Variants in SLCO3A1 observed in about 807,000 individuals in gnomAD.
SLCO3A1 encodes the protein solute carrier organic anion transporter family member 3A1, also known as PGE1 transporter.
Under a neutral mutation model 63.1 loss-of-function variants are expected in SLCO3A1, and 27 were observed. The observed-to-expected ratio is 0.43, with a 90% CI of 0.32 to 0.59. The LOEUF (loss-of-function observed/expected upper bound fraction) is 0.59. Among genes scored for constraint, SLCO3A1 ranks in the 20% least tolerant of loss-of-function variants. The probability of loss-of-function intolerance (pLI) is 0.09; values close to 1 mark genes in which losing one functional copy is unlikely to be tolerated. For synonymous variants in SLCO3A1, 473 were observed against 409.9 expected (o/e 1.15, Z -1.86); for missense variants, 773 against 945.8 (o/e 0.82, Z 2.40).
intron 2 of SLCO3A1, among the ~76,000 whole-genome samples, chr15:92,072,974 A>AG (rs1022434120): frequency 1.3e-5 from 2 of 152,122 alleles, no homozygotes; most frequent in African/African-American, 4.8e-5. Context: ...GAAGAGAGAA[A>AG]GGGGAGAGCT....
chr15:92,119,111 G>T (rs1178125637), intron 4 of SLCO3A1, among the ~76,000 whole-genome samples: 1 of 152,112 alleles, frequency 6.6e-6, no homozygotes, highest in Non-Finnish European at 1.5e-5. Context: ...GGGTTGTCCT[G>T]GTGCCCCAGA....
At chr15:92,057,732 G>T (rs930922230) in intron 2 of SLCO3A1, among the ~76,000 whole-genome samples, 3 of 152,182 alleles carry the variant, frequency 2.0e-5, no homozygotes, top group African/African-American at 7.2e-5. Flanking sequence ...AAGAATCACT[G>T]ATAATCAGAG....
intron 2 of SLCO3A1, among the ~76,000 whole-genome samples, chr15:92,065,749 A>G (rs1304603069): frequency 6.6e-6 from 1 of 152,206 alleles, no homozygotes; most frequent in Non-Finnish European, 1.5e-5. Context: ...TTTATATACC[A>G]TAAAATTCAC....
intron 2 of SLCO3A1, among the ~76,000 whole-genome samples, chr15:91,943,756 C>G (rs1420278854): frequency 6.6e-6 from 1 of 152,212 alleles, no homozygotes; most frequent in Non-Finnish European, 1.5e-5. Flanking sequence ...CCCCAGAGGA[C>G]ACAGAATGGC....
chr15:92,163,943 G>A lies in SLCO3A1; in HGVS notation c.*808G>A, dbSNP rs978743135. The A allele has an allele frequency of 4.4e-5, 43 of 985,454 alleles. No individual in the cohort carries two copies. The highest frequency in any genetic ancestry group is 1.9e-4 in the African/African-American group (11 of 57,346). 61.0% of individuals were successfully genotyped at this position (985,454 alleles called of 1,614,324 possible). ...GTGACCTCAGGAAGCAGTAGGCCTC[G>A]CCTGGCTATGACTGACCCGGCTCAG... On this transcript the variant is annotated 3_prime_UTR_variant, in exon 10 of 10. Transcript: ENST00000318445.
chr15:92,130,961 G>A (rs963970852), intron 7 of SLCO3A1, among the ~76,000 whole-genome samples: 7 of 149,596 alleles, frequency 4.7e-5, no homozygotes, highest in African/African-American at 1.7e-4. Context: ...GTGATCCCCT[G>A]GAATTCTCCA....
At chr15:92,108,689 C>G (rs2047694038) in intron 4 of SLCO3A1, among the ~76,000 whole-genome samples, 2 of 152,222 alleles carry the variant, frequency 1.3e-5, no homozygotes, top group South Asian at 4.1e-4. Context: ...GCATGTCCAT[C>G]TGCCTTCTCC....
At chr15:92,118,764 C>G (rs2047826175) in intron 4 of SLCO3A1, among the ~76,000 whole-genome samples, 1 of 152,180 alleles carries the variant, frequency 6.6e-6, no homozygotes, top group Admixed American at 6.5e-5. Flanking sequence ...CCTCCTTCCT[C>G]TGGGACTCTG....
chr15:92,066,804 C>G (rs2047157818), intron 2 of SLCO3A1, among the ~76,000 whole-genome samples: 1 of 152,216 alleles, frequency 6.6e-6, no homozygotes, highest in Non-Finnish European at 1.5e-5. Context: ...GCTGCCCTCT[C>G]TATGGCTGGC....
chr15:92,099,876 A>G (rs2047583700), intron 3 of SLCO3A1, among the ~76,000 whole-genome samples: 2 of 152,112 alleles, frequency 1.3e-5, no homozygotes, highest in South Asian at 4.1e-4. Flanking sequence ...AGACCAGCCA[A>G]TATGGTGAAA....
intron 2 of SLCO3A1, among the ~76,000 whole-genome samples, chr15:92,017,766 A>G (rs955938267): frequency 6.6e-6 from 1 of 152,134 alleles, no homozygotes; most frequent in Non-Finnish European, 1.5e-5. Flanking sequence ...CCAGGGGCAC[A>G]TGACACCTCC....
At chr15:92,161,463 C>G (rs970595823) in intron 9 of SLCO3A1, 1 of 152,170 alleles carries the variant, frequency 6.6e-6, no homozygotes, top group Non-Finnish European at 1.5e-5. Flanking sequence ...GGAAGGGGAA[C>G]GGTTTTCATC....
intron 2 of SLCO3A1, among the ~76,000 whole-genome samples, chr15:91,937,468 C>A (rs1039325940): frequency 2.0e-5 from 3 of 151,968 alleles, no homozygotes; most frequent in Admixed American, 6.6e-5. Context: ...ACCTGTAATC[C>A]CAGTACTTCC....
chr15:92,001,827 CTTTTTTTTTTTTTTT>C (rs59951621), intron 2 of SLCO3A1, among the ~76,000 whole-genome samples: 3 of 80,106 alleles, frequency 3.7e-5, no homozygotes, highest in African/African-American at 1.1e-4. Flanking sequence ...TGTGTGAGTT[CTTTTTTTTTTTTTTT>C]TTTTTTTTTT....
rs11631731 is a variant in SLCO3A1 at position 91,954,071 on chromosome 15, T to C, written c.646+37613T>C. On this transcript the variant is annotated intron_variant, in intron 2 of 9. Coordinates refer to ENST00000318445, the MANE Select transcript of SLCO3A1 (RefSeq NM_013272.4). The surrounding 1 kb of genome is among the most constrained non-coding windows in gnomAD (Gnocchi z 4.7). ...ACACAGGTGTGTGTTCTGTTAGCCA[T>C]GGGCGATGTCTTCACAGAGCATGTA... Among the ~76,000 whole-genome samples, 41,548 of 152,088 alleles carry C rather than the reference T, an allele frequency of 0.27. 6,196 individuals carry two copies. The highest frequency in any genetic ancestry group is 0.38 in the East Asian group (1,968 of 5,154).
At chr15:91,985,568 G>A (rs1313295923) in intron 2 of SLCO3A1, among the ~76,000 whole-genome samples, 1 of 152,174 alleles carries the variant, frequency 6.6e-6, no homozygotes, top group African/African-American at 2.4e-5. Flanking sequence ...TAATGAGCAC[G>A]GGTTGAGGAG....
At chr15:92,158,501 T>C (rs1293650507) in intron 9 of SLCO3A1, among the ~76,000 whole-genome samples, 1 of 152,158 alleles carries the variant, frequency 6.6e-6, no homozygotes, top group Non-Finnish European at 1.5e-5. Flanking sequence ...GCATAATGGA[T>C]GTGGAGCACT....
rs1184084741 is a variant in SLCO3A1, at chr15:91,863,121, C to T, written c.180+9033C>T. Among the ~76,000 whole-genome samples, 1 of 152,240 alleles carries T rather than the reference C, an allele frequency of 6.6e-6. No individual in the cohort carries two copies. The highest frequency in any genetic ancestry group is 1.5e-5 in the Non-Finnish European group (1 of 68,050). On this transcript the variant is annotated intron_variant, in intron 1 of 9. Transcript: ENST00000318445. This position sits in a 1 kb window ranked among gnomAD's most constrained non-coding sequence, Gnocchi z 4.3. ...TGAAAATTTCTAAGCAGCATGGACC[C>T]ATATGTGTTTATTATGTAAGATTCA...
At chr15:92,144,948 A>G (rs1286450728) in intron 7 of SLCO3A1, among the ~76,000 whole-genome samples, 1 of 152,182 alleles carries the variant, frequency 6.6e-6, no homozygotes, top group South Asian at 2.1e-4. Flanking sequence ...CTGGGGCAAG[A>G]GTACAGATGA....
Sources: gnomAD v4.1 joint callset for allele counts (sites outside exome capture counted in the v4.1 genomes callset) on GRCh38, gnomAD v4.1.1 for gene constraint, Gnocchi (gnomAD v3.1) non-coding constraint, MANE v1.5 for transcripts, NCBI Gene and HGNC (gene_info 2026-07-23, HGNC 2026-07-21) for gene names.